Variants in ATL1 observed in about 807,000 individuals in gnomAD.
The protein encoded by ATL1 is atlastin GTPase 1.
Under a neutral mutation model 75.5 loss-of-function variants are expected in ATL1, and 31 were observed. The observed-to-expected ratio is 0.41, with a 90% CI of 0.31 to 0.55. The LOEUF (loss-of-function observed/expected upper bound fraction) is 0.55, where lower values mean the gene tolerates loss of function less well. Among genes scored for constraint, ATL1 ranks in the 20% least tolerant of loss-of-function variants. The pLI is 0.27. For missense variants in ATL1, 405 were observed against 662.6 expected, an observed-to-expected ratio of 0.61 and a Z score of 4.27; for synonymous variants, 226 against 233.3, an observed-to-expected ratio of 0.97 and a Z score of 0.28.
At chr14:50,573,616 C>A (rs751128634) in intron 1 of ATL1, among the ~76,000 whole-genome samples, 1 of 152,018 alleles carries the variant, frequency 6.6e-6, no homozygotes, top group Non-Finnish European at 1.5e-5. Flanking sequence ...ATTTTTGATG[C>A]GGTATGCAAT....
chr14:50,556,288 G>A (rs931499996), upstream of ATL1, among the ~76,000 whole-genome samples: 3 of 152,114 alleles, frequency 2.0e-5, no homozygotes, highest in Middle Eastern at 3.4e-3. Context: ...GAAGTGCAGC[G>A]GCCTGAATCC....
rs886939543 is a variant in ATL1 at position 50,562,260 on chromosome 14, G to A, written c.34+1961G>A. On this transcript the variant is annotated intron_variant, in intron 1 of 13. Transcript: ENST00000358385. Reference sequence around the variant, plus strand: ...AGAGTTTCACCATGTTAGCCAGGATGGTTTCGATCTCCTGACCTCGTGATC... The same window carrying A: ...AGAGTTTCACCATGTTAGCCAGGATAGTTTCGATCTCCTGACCTCGTGATC... Among the ~76,000 whole-genome samples the A allele has an allele frequency of 3.9e-5, 6 of 152,114 alleles. No homozygotes were observed. The East Asian group carries it at 9.6e-4, about 24-fold the overall frequency.
intron 8 of ATL1, among the ~76,000 whole-genome samples, chr14:50,617,477 C>T (rs1379343399): frequency 1.3e-5 from 2 of 152,190 alleles, no homozygotes; most frequent in African/African-American, 4.8e-5. Flanking sequence ...TGCAGTTAGA[C>T]TTGAGAATGC....
At position 50,628,108 on chromosome 14, in the gene ATL1, G is replaced by C. The variant is rs1263398623; in HGVS notation, c.1197G>C (p.Val399=). The change falls in exon 12 of 14, where the codon GTG becomes GTC. Residue 399 remains valine (V), a synonymous_variant. Transcript: ENST00000358385. ...ACCTGCAACTTAAGGAAGAATCTGT[G>C]AAGCTATTCCGAGGGGTGAAGAAGA... is the stretch of plus-strand genomic sequence containing the variant. ...TKHLQLKEES[V]KLFRGVKKMG... is the part of the protein sequence containing the mutation. 42 of 1,614,204 alleles carry C rather than the reference G, an allele frequency of 2.6e-5. No individual in the cohort carries two copies. Among genetic ancestry groups the C allele is most frequent in the Non-Finnish European group, 3.4e-5 (40 of 1,180,032 alleles).
At chr14:50,576,279 G>T (rs929325861) in intron 1 of ATL1, among the ~76,000 whole-genome samples, 1 of 151,786 alleles carries the variant, frequency 6.6e-6, no homozygotes, top group African/African-American at 2.4e-5. Context: ...TGTATCAAAT[G>T]CATTTTCAAC....
At chr14:50,618,422 A>C (rs904417895) in intron 8 of ATL1, among the ~76,000 whole-genome samples, 5 of 152,228 alleles carry the variant, frequency 3.3e-5, no homozygotes, top group African/African-American at 1.2e-4. Flanking sequence ...CAAAATTATC[A>C]GTGAAAATTG....
chr14:50,630,900 C>T (rs767635634), intron 13 of ATL1: 166 of 451,440 alleles, frequency 3.7e-4, no homozygotes, highest in Middle Eastern at 2.3e-3. Context: ...TAATGGAAAA[C>T]AATACTATGT....
chr14:50,542,425 C>T (rs2038577051), intron 1 of ATL1: 1 of 152,050 alleles, frequency 6.6e-6, no homozygotes, highest in Non-Finnish European at 1.5e-5. Flanking sequence ...CAAACCTGCA[C>T]ATTCTGTACA....
intron 6 of ATL1, among the ~76,000 whole-genome samples, chr14:50,608,123 G>T (rs2039331999): frequency 6.6e-6 from 1 of 152,040 alleles, no homozygotes; most frequent in Non-Finnish European, 1.5e-5. Context: ...TTAAAAAAGT[G>T]TTTGTGGCTT....
At chr14:50,628,532 A>G in intron 12 of ATL1, 70 bp downstream of exon 12, 1 of 1,488,796 alleles carries the variant, frequency 6.7e-7, no homozygotes, top group East Asian at 2.4e-5. Flanking sequence ...CAGCCACTGC[A>G]TTAGATGTTG....
chr14:50,607,355 A>C (rs1454000741), intron 6 of ATL1, among the ~76,000 whole-genome samples: 3 of 152,082 alleles, frequency 2.0e-5, no homozygotes, highest in Non-Finnish European at 2.9e-5. Flanking sequence ...GAGCAAAGCC[A>C]ACTGATGACC....
At chr14:50,585,058 G>A (rs1390567434) in intron 1 of ATL1, among the ~76,000 whole-genome samples, 2 of 152,132 alleles carry the variant, frequency 1.3e-5, no homozygotes, top group Non-Finnish European at 2.9e-5. Flanking sequence ...TTAGCAATTA[G>A]AGAAATGTAT....
chr14:50,548,581 G>A (rs941153762), intron 1 of ATL1, among the ~76,000 whole-genome samples: 1 of 151,974 alleles, frequency 6.6e-6, no homozygotes. Flanking sequence ...GTGATCTCGG[G>A]TCACTGCAAG....
chr14:50,610,360 T>G (rs1019270780), intron 6 of ATL1, among the ~76,000 whole-genome samples: 1 of 152,106 alleles, frequency 6.6e-6, no homozygotes, highest in Non-Finnish European at 1.5e-5. Context: ...GACAAGGTTT[T>G]GAAAGAATCA....
intron 4 of ATL1, 198 bp downstream of exon 4, chr14:50,591,837 CT>C: frequency 1.8e-6 from 1 of 542,482 alleles, no homozygotes; most frequent in Non-Finnish European, 3.3e-6. Flanking sequence ...TACTGACAAA[CT>C]TTCAAATTGA....
chr14:50,579,506 T>A (rs2039037171), intron 1 of ATL1, among the ~76,000 whole-genome samples: 2 of 152,192 alleles, frequency 1.3e-5, no homozygotes, highest in African/African-American at 4.8e-5. Flanking sequence ...ATAATAAAGA[T>A]TTATGCAACA....
At chr14:50,544,780 G>T (rs1325313135) in intron 1 of ATL1, among the ~76,000 whole-genome samples, 1 of 151,346 alleles carries the variant, frequency 6.6e-6, no homozygotes, top group Admixed American at 6.6e-5. Flanking sequence ...CTGAAAGTTG[G>T]GAAAAAATTA....
rs114321628 is a variant in ATL1, at chr14:50,612,736, G to A, written c.631-523G>A. 1.9e-3 allele frequency among the ~76,000 whole-genome samples: 292 copies of A among 152,004 alleles called. 1 individual carries two copies. Among genetic ancestry groups the A allele is most frequent in the African/African-American group, 6.5e-3 (270 of 41,464 alleles). On this transcript the variant is annotated intron_variant, in intron 6 of 13. Transcript: ENST00000358385. ...TGATGTTCACCAAATGTTAACTATC[G>A]TTAAATCCAGGAGATGGGATGTGGG...
chr14:50,620,350 CTT>C (rs1472252366), intron 8 of ATL1, among the ~76,000 whole-genome samples: 9 of 152,222 alleles, frequency 5.9e-5, no homozygotes, highest in Non-Finnish European at 1.0e-4. Flanking sequence ...AGCAAGCTAA[CTT>C]ATAATATCAA....
Sources: allele counts gnomAD v4.1 joint callset (sites outside exome capture counted in the v4.1 genomes callset), GRCh38; gene constraint gnomAD v4.1.1; transcripts MANE v1.5; gene names NCBI Gene and HGNC (gene_info 2026-07-23, HGNC 2026-07-21).